Variants in L2HGDH observed in about 807,000 individuals in gnomAD.
L2HGDH encodes L-2-hydroxyglutarate dehydrogenase.
Under a neutral mutation model 51.5 loss-of-function variants are expected in L2HGDH, and 34 were observed. That is an observed-to-expected ratio of 0.66 (90% CI 0.50 to 0.88). The LOEUF is 0.88. L2HGDH is among the 40% of genes least tolerant of loss of function. The probability of loss-of-function intolerance (pLI) is 0.00; values close to 1 mark genes in which losing one functional copy is unlikely to be tolerated. For missense variants in L2HGDH, 558 were observed against 571.9 expected, an observed-to-expected ratio of 0.98 and a Z score of 0.25; for synonymous variants, 198 against 197.9, an observed-to-expected ratio of 1.00 and a Z score of -0.01.
At chr14:50,291,197 C>CAAAAAAAAA (rs1159640500) in intron 4 of L2HGDH, among the ~76,000 whole-genome samples, 6 of 30,648 alleles carry the variant, frequency 2.0e-4, no homozygotes, top group South Asian at 3.1e-3. Context: ...GACTCCGTCT[C>CAAAAAAAAA]AAAAAAAAAA....
chr14:50,292,032 T>A (rs1482784224), intron 4 of L2HGDH, among the ~76,000 whole-genome samples: 1 of 152,176 alleles, frequency 6.6e-6, no homozygotes, highest in African/African-American at 2.4e-5. Context: ...AAAAAGTGAA[T>A]TTTAAATAAC....
At chr14:50,279,172 T>C (rs1305357484) in intron 5 of L2HGDH, among the ~76,000 whole-genome samples, 1 of 152,234 alleles carries the variant, frequency 6.6e-6, no homozygotes, top group Non-Finnish European at 1.5e-5. Context: ...ATTTTGCTCA[T>C]CATCTTAGAA....
At chr14:50,291,560 A>G (rs1890888584) in intron 4 of L2HGDH, among the ~76,000 whole-genome samples, 1 of 152,212 alleles carries the variant, frequency 6.6e-6, no homozygotes, top group Non-Finnish European at 1.5e-5. Flanking sequence ...TAACCTCTGC[A>G]GGAAGAACTC....
chr14:50,259,985 CAG>C (rs34001223), intron 9 of L2HGDH, among the ~76,000 whole-genome samples: 39,947 of 141,720 alleles, frequency 0.28, 5,886 homozygotes, highest in East Asian at 0.45. Context: ...GAGAAGAAGA[CAG>C]AGAGAGAGAG....
Position 50,246,834 on chromosome 14 carries a change from T to C in L2HGDH, c.*224A>G, listed in dbSNP as rs1786829425. ...GTCTGCTCGGTTCAATTGATTCTCC[T>C]GCCTCAGCCTCCTGAGTAGCTGAGA... On this transcript the variant is annotated 3_prime_UTR_variant, in exon 10 of 10. Transcript: ENST00000267436. 3.2e-6 allele frequency: 2 copies of C among 625,404 alleles called. No homozygotes were observed. Among genetic ancestry groups the C allele is most frequent in the Admixed American group, 6.9e-5 (2 of 28,798 alleles). 38.7% of individuals were successfully genotyped at this position (625,404 alleles called of 1,614,324 possible). A position where few individuals can be genotyped will look rare whatever the true frequency, so the allele number is the denominator to read the frequency against.
At chr14:50,273,989 A>G (rs1889833408) in intron 6 of L2HGDH, among the ~76,000 whole-genome samples, 1 of 152,280 alleles carries the variant, frequency 6.6e-6, no homozygotes, top group East Asian at 1.9e-4. Context: ...GAGCCAGGAG[A>G]ATCGCTTGAA....
chr14:50,298,610 G>A (rs866272896), intron 3 of L2HGDH, among the ~76,000 whole-genome samples: 3 of 152,092 alleles, frequency 2.0e-5, no homozygotes, highest in African/African-American at 4.8e-5. Context: ...CACCATGCCC[G>A]GCCGGGAGGT....
chr14:50,285,015 A>T (rs1210954617), intron 4 of L2HGDH, among the ~76,000 whole-genome samples: 1 of 152,194 alleles, frequency 6.6e-6, no homozygotes, highest in Non-Finnish European at 1.5e-5. Context: ...TGGGAGGCTG[A>T]GGCAGGCGGA....
intron 2 of L2HGDH, among the ~76,000 whole-genome samples, chr14:50,302,600 C>CT (rs2139214595): frequency 6.6e-6 from 1 of 152,326 alleles, no homozygotes; most frequent in African/African-American, 2.4e-5. Context: ...TGGAATCAAG[C>CT]TCACAGCCAC....
chr14:50,284,345 C>T (rs1447657117), intron 4 of L2HGDH, among the ~76,000 whole-genome samples: 1 of 152,234 alleles, frequency 6.6e-6, no homozygotes, highest in Non-Finnish European at 1.5e-5. Context: ...GTTGTTCTAG[C>T]TACTCACAAT....
chr14:50,257,319 C>G (rs1888726164), intron 9 of L2HGDH, among the ~76,000 whole-genome samples: 1 of 151,928 alleles, frequency 6.6e-6, no homozygotes, highest in Non-Finnish European at 1.5e-5. Flanking sequence ...ATAATTTCCT[C>G]TTAAGGTAGG....
intron 4 of L2HGDH, among the ~76,000 whole-genome samples, chr14:50,287,928 C>G (rs147551315): frequency 1.3e-5 from 2 of 151,846 alleles, no homozygotes; most frequent in Non-Finnish European, 2.9e-5. Context: ...GAATTCCTGA[C>G]CTCAAATGAT....
chr14:50,297,050 T>G (rs2030097284), intron 3 of L2HGDH, among the ~76,000 whole-genome samples: 1 of 152,186 alleles, frequency 6.6e-6, no homozygotes, highest in Non-Finnish European at 1.5e-5. Context: ...AAAAGGCATT[T>G]GAGAAAATTC....
chr14:50,276,110 T>C (rs1206840308), intron 6 of L2HGDH, among the ~76,000 whole-genome samples: 1 of 152,198 alleles, frequency 6.6e-6, no homozygotes, highest in Non-Finnish European at 1.5e-5. Context: ...ATGCCTGGAA[T>C]ACACATCTCC....
chr14:50,255,537 CA>C (rs371804551), intron 9 of L2HGDH, among the ~76,000 whole-genome samples: 17 of 114,816 alleles, frequency 1.5e-4, no homozygotes, highest in South Asian at 3.0e-4. Context: ...ACTCCATCTC[CA>C]AAAAAAAAAA....
At chr14:50,287,859 G>A (rs934382740) in intron 4 of L2HGDH, among the ~76,000 whole-genome samples, 4 of 151,600 alleles carry the variant, frequency 2.6e-5, no homozygotes, top group Non-Finnish European at 5.9e-5. Flanking sequence ...AAACACGCCT[G>A]GCTATTTTTT....
Position 50,243,278 on chromosome 14 carries a change from T to A in L2HGDH, c.*3780A>T. 1.0e-6 allele frequency: 1 copy of A among 985,360 alleles called. No individual in the cohort carries two copies. The highest frequency in any genetic ancestry group is 1.2e-6 in the Non-Finnish European group (1 of 829,902). The allele number at this position is 985,360 out of a possible 1,614,324, so 61.0% of individuals were successfully genotyped here. ...AGAGTTCCTCACAAACACTCTGAAG[T>A]TAAAATCTAAAATGCTCCACTTTTT... On this transcript the variant is annotated 3_prime_UTR_variant, in exon 10 of 10. Transcript: ENST00000267436.
In L2HGDH at chr14:50,312,176, G is replaced by A. The variant is rs780832750; in HGVS notation, c.-26C>T. 2.5e-6 allele frequency: 4 copies of A among 1,607,470 alleles called. No homozygotes were observed. Among genetic ancestry groups the A allele is most frequent in the African/African-American group, 1.3e-5 (1 of 75,016 alleles). ...CCCCTACGCACGCTCCCCTCCCTCA[G>A]CGCTCAGAAGAAGCCACTTGACCCT... On this transcript the variant is annotated 5_prime_UTR_variant, in exon 1 of 10. Transcript: ENST00000267436.
rs913168790 is a variant in L2HGDH at position 50,243,663 on chromosome 14, T to TTTTA, written c.*3394_*3395insTAAA. 10 of 176,424 alleles carry TTTTA rather than the reference T, an allele frequency of 5.7e-5. No individual in the cohort carries two copies. The highest frequency in any genetic ancestry group is 1.9e-4 in the South Asian group (1 of 5,290). 10.9% of individuals were successfully genotyped at this position (176,424 alleles called of 1,614,324 possible). ...TTTCATTTTTATTTTTCAGGGTATTTTATATATATATATATATATATATTG... is the reference window on the plus strand; with the variant it reads ...TTTCATTTTTATTTTTCAGGGTATTTTTTATATATATATATATATATATATATTG... On this transcript the variant is annotated 3_prime_UTR_variant, in exon 10 of 10. Transcript: ENST00000267436.
Sources: allele counts gnomAD v4.1 joint callset (sites outside exome capture counted in the v4.1 genomes callset), GRCh38; gene constraint gnomAD v4.1.1; transcripts MANE v1.5; gene names NCBI Gene and HGNC (gene_info 2026-07-23, HGNC 2026-07-21).